The following FHIT variants were observed in gnomAD, a reference collection of about 807,000 sequenced individuals.
FHIT encodes the protein bis(5'-adenosyl)-triphosphatase.
Under a neutral mutation model 17.9 loss-of-function variants are expected in FHIT, and 19 were observed. The ratio of observed to expected loss-of-function variants is 1.06; its 90% CI spans 0.74 to 1.56. The LOEUF is 1.56. FHIT is among the 40% of genes most tolerant of loss of function. FHIT has a pLI of 0.00. For missense variants in FHIT, 248 were observed against 189.2 expected, an observed-to-expected ratio of 1.31 and a Z score of -1.82; for synonymous variants, 81 against 69.7, an observed-to-expected ratio of 1.16 and a Z score of -0.81.
intron 5 of FHIT, among the ~76,000 whole-genome samples, chr3:60,347,455 G>C (rs1710836890): frequency 6.6e-6 from 1 of 152,058 alleles, no homozygotes; most frequent in South Asian, 2.1e-4. Context: ...ATTAAAAAAG[G>C]AAGCATCAAC....
At chr3:60,672,900 T>TGTGTGTGTGTGC in intron 4 of FHIT, among the ~76,000 whole-genome samples, 1 of 151,512 alleles carries the variant, frequency 6.6e-6, no homozygotes, top group Non-Finnish European at 1.5e-5. Flanking sequence ...TGTGTGTGTG[T>TGTGTGTGTGTGC]GTGTGTGCAT....
intron 4 of FHIT, among the ~76,000 whole-genome samples, chr3:60,606,535 C>T (rs782737249): frequency 6.6e-6 from 1 of 152,138 alleles, no homozygotes; most frequent in Non-Finnish European, 1.5e-5. Flanking sequence ...GTCACCGAGC[C>T]CAGCCTGTGA....
chr3:60,122,207 C>G (rs1344522514), intron 5 of FHIT, among the ~76,000 whole-genome samples: 1 of 152,042 alleles, frequency 6.6e-6, no homozygotes, highest in Admixed American at 6.5e-5. Context: ...AAGAAGTGTT[C>G]AGCATTCTAA....
chr3:60,751,126 G>C lies in FHIT; in HGVS notation c.-18+70793C>G, dbSNP rs73836110. 6.0e-3 allele frequency among the ~76,000 whole-genome samples: 914 copies of C among 152,310 alleles called. 5 individuals carry two copies. The highest frequency in any genetic ancestry group is 9.0e-3 in the Non-Finnish European group (609 of 68,032). On this transcript the variant is annotated intron_variant, in intron 4 of 9. Coordinates refer to ENST00000492590, the MANE Select transcript of FHIT (RefSeq NM_002012.4). Reference sequence around the variant, plus strand: ...CCCTTTCTCACCAACCAGGTAAGTCGAGAGTGGTTAGAACAACAGAAGACA... The same window carrying C: ...CCCTTTCTCACCAACCAGGTAAGTCCAGAGTGGTTAGAACAACAGAAGACA...
At chr3:60,130,551 T>C (rs569743735) in intron 5 of FHIT, among the ~76,000 whole-genome samples, 1 of 152,166 alleles carries the variant, frequency 6.6e-6, no homozygotes, top group Non-Finnish European at 1.5e-5. Context: ...CACATGCTCA[T>C]ATCAACTGAT....
chr3:60,725,854 A>G (rs2041906915), intron 4 of FHIT, among the ~76,000 whole-genome samples: 1 of 152,140 alleles, frequency 6.6e-6, no homozygotes, highest in Non-Finnish European at 1.5e-5. Flanking sequence ...TTTAACTTAC[A>G]TGATCTTCCT....
chr3:61,205,370 A>G (rs2039189388), intron 1 of FHIT, among the ~76,000 whole-genome samples: 1 of 152,140 alleles, frequency 6.6e-6, no homozygotes, highest in Non-Finnish European at 1.5e-5. Flanking sequence ...TGGTATATCT[A>G]GTTCTAGATC....
intron 5 of FHIT, among the ~76,000 whole-genome samples, chr3:60,202,035 A>T (rs1287518214): frequency 6.6e-6 from 1 of 152,186 alleles, no homozygotes; most frequent in African/African-American, 2.4e-5. Context: ...GGAGAAAAAT[A>T]ATCTTGGAAA....
intron 4 of FHIT, among the ~76,000 whole-genome samples, chr3:60,705,497 T>C (rs2041350887): frequency 6.6e-6 from 1 of 152,208 alleles, no homozygotes; most frequent in Admixed American, 6.5e-5. Flanking sequence ...TAATGTACTT[T>C]TTTAAAAAAT....
intron 5 of FHIT, among the ~76,000 whole-genome samples, chr3:60,021,481 T>C (rs976137460): frequency 2.0e-5 from 3 of 152,222 alleles, no homozygotes; most frequent in South Asian, 2.1e-4. Context: ...AGTAATCTTA[T>C]ACTGATTGAG....
chr3:60,012,258 T>C (rs1438286292), intron 6 of FHIT, among the ~76,000 whole-genome samples: 2 of 140,216 alleles, frequency 1.4e-5, no homozygotes, highest in African/African-American at 2.9e-5. Context: ...TCAGGTGTTT[T>C]TTTTGTTGTT....
chr3:60,090,732 C>T (rs1422010054), intron 5 of FHIT, among the ~76,000 whole-genome samples: 1 of 152,126 alleles, frequency 6.6e-6, no homozygotes, highest in Non-Finnish European at 1.5e-5. Flanking sequence ...ATGCTTGGTT[C>T]AGAGTGTACC....
At chr3:60,764,247 GCA>G (rs58044669) in intron 4 of FHIT, among the ~76,000 whole-genome samples, 1,595 of 149,720 alleles carry the variant, frequency 0.011, 33 homozygotes, top group African/African-American at 0.036. Context: ...GTAGGAAAAT[GCA>G]CACACACACA....
Position 60,684,094 on chromosome 3 carries a change from A to G in FHIT, c.-18+137825T>C, listed in dbSNP as rs539469412. Among the ~76,000 whole-genome samples the G allele has an allele frequency of 5.3e-5, 8 of 152,264 alleles. No individual in the cohort carries two copies. In the South Asian group the frequency reaches 8.3e-4, roughly 16 times the overall value. On this transcript the variant is annotated intron_variant, in intron 4 of 9. Transcript: ENST00000492590. The stretch of plus-strand genomic sequence containing the variant: ...TATTATCTTCTTCACTGTGGCTGCA[A>G]TAAAAAATAACCACAAACTTTGTGG...
intron 3 of FHIT, among the ~76,000 whole-genome samples, chr3:60,849,621 T>A (rs1292511727): frequency 6.6e-6 from 1 of 152,012 alleles, no homozygotes; most frequent in African/African-American, 2.4e-5. Context: ...CGATCTGATC[T>A]CTAAAAAGAG....
At chr3:60,419,838 A>G (rs1196240223) in intron 5 of FHIT, among the ~76,000 whole-genome samples, 2 of 152,186 alleles carry the variant, frequency 1.3e-5, no homozygotes, top group Non-Finnish European at 2.9e-5. Context: ...AATGGGCATA[A>G]TATCATCTAT....
At chr3:61,217,444 C>G (rs1357742319) in intron 1 of FHIT, among the ~76,000 whole-genome samples, 1 of 152,174 alleles carries the variant, frequency 6.6e-6, no homozygotes, top group Non-Finnish European at 1.5e-5. Flanking sequence ...TCCATGTGGC[C>G]TCTCCATGTG....
chr3:61,205,090 T>G (rs9843237), intron 1 of FHIT, among the ~76,000 whole-genome samples: 4 of 151,188 alleles, frequency 2.6e-5, no homozygotes, highest in African/African-American at 9.7e-5. Context: ...TTTGTCCTTG[T>G]GATAGTTTGC....
intron 3 of FHIT, among the ~76,000 whole-genome samples, chr3:60,836,144 C>T (rs148731479): frequency 1.2e-3 from 177 of 152,166 alleles, no homozygotes; most frequent in African/African-American, 3.7e-3. Flanking sequence ...TCCATTTCGT[C>T]GTGGTATATT....
Sources: allele counts gnomAD v4.1 joint callset (sites outside exome capture counted in the v4.1 genomes callset), GRCh38; gene constraint gnomAD v4.1.1; transcripts MANE v1.5; gene names NCBI Gene and HGNC (gene_info 2026-07-23, HGNC 2026-07-21).